Variants in P3H2 observed in about 807,000 individuals in gnomAD.
P3H2 encodes prolyl 3-hydroxylase 2.
A neutral mutation model predicts 87.0 loss-of-function variants in P3H2; 80 were observed. The ratio of observed to expected loss-of-function variants is 0.92; its 90% CI spans 0.77 to 1.11. P3H2 has a LOEUF of 1.11. Ranked by LOEUF, P3H2 falls within the 50% of genes least tolerant of loss-of-function variation. The pLI, the probability that P3H2 is intolerant of heterozygous loss-of-function variation, is 0.00. For synonymous variants in P3H2, 367 were observed against 359.3 expected (o/e 1.02, Z -0.24); for missense variants, 1,001 against 923.9 (o/e 1.08, Z -1.08).
chr3:190,121,953 G>A (rs1276008813), upstream of P3H2, among the ~76,000 whole-genome samples: 4 of 151,932 alleles, frequency 2.6e-5, no homozygotes, highest in South Asian at 2.1e-4. Flanking sequence ...TTAGCTGGGC[G>A]TGGTGGCACG....
intron 1 of P3H2, among the ~76,000 whole-genome samples, chr3:190,009,421 G>C (rs1724520841): frequency 6.6e-6 from 1 of 152,128 alleles, no homozygotes; most frequent in East Asian, 1.9e-4. Context: ...ATCTTACTGA[G>C]CAATGCGTGG....
At chr3:190,061,034 T>C (rs549665206) in intron 1 of P3H2, among the ~76,000 whole-genome samples, 9 of 152,270 alleles carry the variant, frequency 5.9e-5, no homozygotes, top group African/African-American at 1.9e-4. Flanking sequence ...GTGTACACTA[T>C]ACTCATTTAC....
intron 14 of P3H2, among the ~76,000 whole-genome samples, chr3:189,962,684 A>G (rs2108902280): frequency 6.6e-6 from 1 of 152,340 alleles, no homozygotes; most frequent in Non-Finnish European, 1.5e-5. Context: ...CAAGGCAGAT[A>G]ATAATAGCTC....
intron 1 of P3H2, among the ~76,000 whole-genome samples, chr3:190,005,063 A>G (rs1460332276): frequency 1.3e-5 from 2 of 152,220 alleles, no homozygotes; most frequent in Non-Finnish European, 2.9e-5. Context: ...GAATTTGTCA[A>G]TTATGATAGC....
At chr3:190,006,149 C>A (rs919264039) in intron 1 of P3H2, among the ~76,000 whole-genome samples, 4 of 152,200 alleles carry the variant, frequency 2.6e-5, no homozygotes, top group African/African-American at 9.6e-5. Flanking sequence ...GAGAGATCTA[C>A]TTACTGACTA....
At chr3:190,095,665 A>ATC (rs929404385) in intron 1 of P3H2, among the ~76,000 whole-genome samples, 2 of 145,744 alleles carry the variant, frequency 1.4e-5, no homozygotes, top group African/African-American at 5.1e-5. Context: ...CAGTGGCGTG[A>ATC]TCTCGGCTCA....
chr3:190,106,659 G>A (rs1038822928), intron 1 of P3H2, among the ~76,000 whole-genome samples: 9 of 151,850 alleles, frequency 5.9e-5, no homozygotes, highest in South Asian at 2.1e-4. Context: ...TCAAACAACC[G>A]ATATGTCAGA....
At chr3:190,121,697 C>G (rs567663560), upstream of P3H2, 1 of 152,210 alleles carries the variant, frequency 6.6e-6, no homozygotes, top group African/African-American at 2.4e-5. Flanking sequence ...ATTCTGGCTC[C>G]GTCCGTTTAC....
chr3:189,983,114 C>T lies in P3H2; in HGVS notation c.1256G>A (p.Gly419Glu). ...NRVPSGVNVE[G>E]AEVHGFSMGK... The stretch of plus-strand genomic sequence containing the variant: ...CATTGAGAATCCATGAACTTCTGCT[C>T]CCTCTACGTTCACTCCTGAAGGGAC... Residue 419 changes from glycine to glutamate, a missense_variant, in exon 8 of 15, where the codon GGA (glycine) becomes GAA (glutamate). By Grantham distance (98) the Gly-to-Glu change is moderately conservative. Transcript: ENST00000319332. The T allele has an allele frequency of 6.2e-7, 1 of 1,613,854 alleles. No individual in the cohort carries two copies. The highest frequency in any genetic ancestry group is 1.3e-5 in the African/African-American group (1 of 75,028).
In P3H2 at chr3:189,983,134, A is replaced by C; in HGVS notation, c.1236T>G (p.Pro412=). The C allele has an allele frequency of 6.2e-7, 1 of 1,613,522 alleles. No homozygotes were observed. The highest frequency in any genetic ancestry group is 8.5e-7 in the Non-Finnish European group (1 of 1,179,532). Residue 412 remains proline, a synonymous_variant, in exon 8 of 15, where the codon CCT becomes CCG. Coordinates refer to ENST00000319332, the MANE Select transcript of P3H2 (RefSeq NM_018192.4). Reference sequence around the variant, plus strand: ...CTGCTCCCTCTACGTTCACTCCTGAAGGGACCCTGCCCATTCAAAAAATTT... The same window carrying C: ...CTGCTCCCTCTACGTTCACTCCTGACGGGACCCTGCCCATTCAAAAAATTT... ...YGGRQDENRV[P]SGVNVEGAEV... is the part of the protein sequence containing the mutation.
At chr3:190,017,291 T>C (rs1483800835) in intron 1 of P3H2, among the ~76,000 whole-genome samples, 1 of 152,132 alleles carries the variant, frequency 6.6e-6, no homozygotes, top group Non-Finnish European at 1.5e-5. Context: ...AAATTCTATT[T>C]AGTAATATAA....
chr3:190,098,670 T>C (rs1243520008), intron 1 of P3H2, among the ~76,000 whole-genome samples: 1 of 152,128 alleles, frequency 6.6e-6, no homozygotes, highest in Non-Finnish European at 1.5e-5. Context: ...AATCAAAAAA[T>C]AGTGTCTCGT....
chr3:190,064,601 G>A (rs1215016936), intron 1 of P3H2, among the ~76,000 whole-genome samples: 2 of 152,042 alleles, frequency 1.3e-5, no homozygotes, highest in African/African-American at 4.8e-5. Flanking sequence ...TGAGACAATG[G>A]TATGCCAGAT....
chr3:190,050,645 A>G (rs1526033), intron 1 of P3H2, among the ~76,000 whole-genome samples: 124,344 of 152,120 alleles, frequency 0.82, 51,015 homozygotes, highest in East Asian at 0.88. Context: ...GTTTGTGTAT[A>G]TATGAGTTTT....
chr3:189,998,918 C>T (rs1342684065), intron 1 of P3H2, among the ~76,000 whole-genome samples: 1 of 152,144 alleles, frequency 6.6e-6, no homozygotes, highest in Admixed American at 6.5e-5. Context: ...CTCACTTGCA[C>T]ACTTCACCAG....
At chr3:190,008,286 C>G (rs1039920559) in intron 1 of P3H2, among the ~76,000 whole-genome samples, 1 of 152,014 alleles carries the variant, frequency 6.6e-6, no homozygotes, top group Non-Finnish European at 1.5e-5. Context: ...AATTAAGAGT[C>G]TACCATTTTT....
chr3:190,061,801 C>T (rs1452233675), intron 1 of P3H2, among the ~76,000 whole-genome samples: 2 of 152,044 alleles, frequency 1.3e-5, no homozygotes, highest in Non-Finnish European at 1.5e-5. Flanking sequence ...AGAACAGATG[C>T]TAGGATCCAC....
chr3:189,969,938 G>C, intron 13 of P3H2: 1 of 741,974 alleles, frequency 1.3e-6, no homozygotes, highest in South Asian at 1.5e-5. Context: ...AGCGGCAGCA[G>C]TCGAAAATAT....
chr3:190,042,383 C>T (rs1725663848), intron 1 of P3H2, among the ~76,000 whole-genome samples: 1 of 151,822 alleles, frequency 6.6e-6, no homozygotes, highest in African/African-American at 2.4e-5. Context: ...CTCTGTGTGT[C>T]CTTGGTGTCA....
Sources: allele counts gnomAD v4.1 joint callset (sites outside exome capture counted in the v4.1 genomes callset), GRCh38; gene constraint gnomAD v4.1.1; transcripts MANE v1.5; gene names NCBI Gene and HGNC (gene_info 2026-07-23, HGNC 2026-07-21).